Variants in SPART observed in about 807,000 individuals in gnomAD.
SPART encodes the protein spastic paraplegia 20 (Troyer syndrome).
Under a neutral mutation model 58.7 loss-of-function variants are expected in SPART, and 35 were observed. The ratio of observed to expected loss-of-function variants is 0.60; its 90% CI spans 0.46 to 0.79. SPART has a LOEUF of 0.79. SPART is among the 30% of genes least tolerant of loss of function. The pLI is 0.00. For missense variants in SPART, 730 were observed against 786.1 expected (o/e 0.93, Z 0.85); for synonymous variants, 284 against 280.7 (o/e 1.01, Z -0.12).
chr13:36,306,169 C>T (rs9575886), intron 8 of SPART, among the ~76,000 whole-genome samples: 36,507 of 152,056 alleles, frequency 0.24, 4,856 homozygotes, highest in East Asian at 0.51. Context: ...GGCCTTCTCA[C>T]CAGTCAACAG....
At chr13:36,307,947 G>C (rs1424207433) in intron 8 of SPART, among the ~76,000 whole-genome samples, 1 of 151,972 alleles carries the variant, frequency 6.6e-6, no homozygotes, top group Non-Finnish European at 1.5e-5. Flanking sequence ...TAAAATTAAA[G>C]GACATTTAAA....
At chr13:36,313,124 C>T (rs1881301316) in intron 6 of SPART, among the ~76,000 whole-genome samples, 1 of 152,098 alleles carries the variant, frequency 6.6e-6, no homozygotes, top group African/African-American at 2.4e-5. Flanking sequence ...TTTAGAAGTA[C>T]ATTGCTTGGG....
At chr13:36,321,883 A>C (rs1882441026) in intron 5 of SPART, among the ~76,000 whole-genome samples, 1 of 152,106 alleles carries the variant, frequency 6.6e-6, no homozygotes, top group Non-Finnish European at 1.5e-5. Flanking sequence ...CCACCACAAA[A>C]GAAGTGTAAA....
chr13:36,330,653 C>T (rs1883376276), intron 3 of SPART, among the ~76,000 whole-genome samples: 1 of 152,126 alleles, frequency 6.6e-6, no homozygotes. Flanking sequence ...CCTCTTGCTA[C>T]AACAATATAT....
chr13:36,348,374 A>T (rs1334780977), upstream of SPART, among the ~76,000 whole-genome samples: 1 of 152,266 alleles, frequency 6.6e-6, no homozygotes, highest in African/African-American at 2.4e-5. Flanking sequence ...ATTTAAATAG[A>T]ATTTTTTAAA....
chr13:36,367,525 CTCTG>C (rs1477003894), intron 1 of SPART, among the ~76,000 whole-genome samples: 1 of 152,148 alleles, frequency 6.6e-6, no homozygotes, highest in African/African-American at 2.4e-5. Context: ...AGACCCATCC[CTCTG>C]TCTGTGTACA....
upstream of SPART, chr13:36,346,557 C>G (rs534928912): frequency 1.2e-4 from 18 of 152,640 alleles, no homozygotes; most frequent in African/African-American, 4.3e-4. Flanking sequence ...CCGGCCTGCT[C>G]AGACTAGGTT....
At chr13:36,324,913 A>T (rs576887189) in intron 5 of SPART, among the ~76,000 whole-genome samples, 6 of 152,184 alleles carry the variant, frequency 3.9e-5, no homozygotes, top group Admixed American at 1.3e-4. Flanking sequence ...GAGCTTTTTG[A>T]GCCAGGATGA....
rs1883919975 is a variant in SPART, at chr13:36,335,565, CG to C, written c.265del (p.Arg89AlafsTer7). 6.2e-7 allele frequency: 1 copy of C among 1,613,994 alleles called. No individual in the cohort carries two copies. The part of the protein sequence containing the change: ...QKMKETLQNV[R>X]TRLEILEKGL... ...CTTCTCTAGAATTTCCAGCCTGGTG[CG>C]TACATTCTGTAGAGTTTCTTTCATT... On this transcript the variant is annotated frameshift_variant, in exon 2 of 9. Transcript: ENST00000438666. LOFTEE classifies it high-confidence loss of function.
intron 2 of SPART, among the ~76,000 whole-genome samples, chr13:36,333,733 C>T (rs977552299): frequency 4.8e-4 from 73 of 152,178 alleles, no homozygotes; most frequent in African/African-American, 1.7e-3. Flanking sequence ...TTGCTAAGGA[C>T]CCAAAGATTT....
At chr13:36,334,798 C>T (rs980419010) in intron 2 of SPART, among the ~76,000 whole-genome samples, 1 of 152,066 alleles carries the variant, frequency 6.6e-6, no homozygotes, top group African/African-American at 2.4e-5. Context: ...TTTATCATCA[C>T]AAACTTAATA....
At chr13:36,325,661 A>G (rs1882857529) in intron 5 of SPART, among the ~76,000 whole-genome samples, 1 of 152,238 alleles carries the variant, frequency 6.6e-6, no homozygotes, top group South Asian at 2.1e-4. Flanking sequence ...ATGTTAACCA[A>G]TTAAAGTAGA....
intron 1 of SPART, among the ~76,000 whole-genome samples, chr13:36,365,131 A>G (rs1007786174): frequency 1.3e-5 from 2 of 152,162 alleles, no homozygotes; most frequent in African/African-American, 4.8e-5. Flanking sequence ...TGCTGCTGCC[A>G]GGACTGCTCT....
intron 1 of SPART, among the ~76,000 whole-genome samples, chr13:36,339,627 C>CAAAAAAAAAAAAAAAAAA (rs71084420): frequency 2.6e-5 from 1 of 38,804 alleles, no homozygotes; most frequent in Non-Finnish European, 4.1e-5. Context: ...ACGACTCCAT[C>CAAAAAAAAAAAAAAAAAA]AAAAAAAAAA....
intron 1 of SPART, among the ~76,000 whole-genome samples, chr13:36,364,355 C>T (rs1024107404): frequency 2.2e-4 from 34 of 152,114 alleles, no homozygotes; most frequent in Non-Finnish European, 1.0e-4. Context: ...AAATAATCTC[C>T]ATTTGAGGGA....
intron 1 of SPART, among the ~76,000 whole-genome samples, chr13:36,365,139 T>A (rs773494653): frequency 1.2e-4 from 19 of 152,172 alleles, no homozygotes; most frequent in Non-Finnish European, 1.6e-4. Flanking sequence ...CCAGGACTGC[T>A]CTCCTCCCAT....
At chr13:36,363,397 TTCTTTCTCTCTC>T (rs1053968207) in intron 1 of SPART, among the ~76,000 whole-genome samples, 3 of 152,028 alleles carry the variant, frequency 2.0e-5, no homozygotes. Context: ...CTGTCTCTCT[TTCTTTCTCTCTC>T]TCTCTCTCTG....
rs992007347 is a variant in SPART at position 36,329,654 on chromosome 13, G to T, written c.1009-137C>A. 4.4e-6 allele frequency: 4 copies of T among 904,722 alleles called. No individual in the cohort carries two copies. The African/African-American group carries it at 6.7e-5, about 15-fold the overall frequency. 56.0% of individuals were successfully genotyped at this position (904,722 alleles called of 1,614,324 possible). A position where few individuals can be genotyped will look rare whatever the true frequency, so the allele number is the denominator to read the frequency against. On this transcript the variant is annotated intron_variant, in intron 3 of 8. Transcript: ENST00000438666. ...CAGTCTATCAGTAACAACTACTTTT[G>T]CTTTTTTCTCTACGATTCTCTTTTG...
At chr13:36,336,087 A>T (rs1392669755) in intron 1 of SPART, among the ~76,000 whole-genome samples, 1 of 152,230 alleles carries the variant, frequency 6.6e-6, no homozygotes, top group Non-Finnish European at 1.5e-5. Context: ...AATAAATCAG[A>T]ATACATCTAT....
Sources: allele counts gnomAD v4.1 joint callset (sites outside exome capture counted in the v4.1 genomes callset), GRCh38; gene constraint gnomAD v4.1.1; transcripts MANE v1.5; gene names NCBI Gene and HGNC (gene_info 2026-07-23, HGNC 2026-07-21).